The following PGAM5 variants were observed in gnomAD, a reference collection of about 807,000 sequenced individuals.
The protein encoded by PGAM5 is serine/threonine-protein phosphatase PGAM5, mitochondrial.
A neutral mutation model predicts 30.6 loss-of-function variants in PGAM5; 25 were observed. That is an observed-to-expected ratio of 0.82 (90% CI 0.60 to 1.14). The LOEUF is 1.14. PGAM5 is among the 50% of genes most tolerant of loss of function. The probability of loss-of-function intolerance (pLI) is 0.00; values close to 1 mark genes in which losing one functional copy is unlikely to be tolerated. For synonymous variants in PGAM5, 201 were observed against 179.1 expected, an observed-to-expected ratio of 1.12 and a Z score of -0.98; for missense variants, 384 against 408.5, an observed-to-expected ratio of 0.94 and a Z score of 0.52.
At chr12:132,720,042 G>T (rs1215401207) in intron 5 of PGAM5, among the ~76,000 whole-genome samples, 2 of 151,084 alleles carry the variant, frequency 1.3e-5, no homozygotes, top group African/African-American at 4.9e-5. Flanking sequence ...ATCTTGAGTT[G>T]GGGTTGGGCC....
rs2136090035 is a variant in PGAM5 at position 132,721,826 on chromosome 12, C to T, written c.*998C>T. The T allele has an allele frequency of 6.6e-6, 1 of 152,340 alleles. No homozygotes were observed. The highest frequency in any genetic ancestry group is 2.4e-5 in the African/African-American group (1 of 41,574). 9.4% of individuals were successfully genotyped at this position (152,340 alleles called of 1,614,324 possible). On this transcript the variant is annotated 3_prime_UTR_variant, in exon 6 of 6. Coordinates refer to ENST00000498926, the MANE Select transcript of PGAM5 (RefSeq NM_001170543.2). ...TAGAATTGTTCAGGCTGGTCTCGAA[C>T]TCCCAACCTCAGGTGATTCACCCAC...
rs2043640251 is a variant in PGAM5 at position 132,721,066 on chromosome 12, C to T, written c.*238C>T. On this transcript the variant is annotated 3_prime_UTR_variant, in exon 6 of 6. Transcript: ENST00000498926. ...GTTTAAGGTGAAAGCGTCTCACGCACAAGTCAGGCCTGTTGTGGGGACTTG... is the reference window on the plus strand; with the variant it reads ...GTTTAAGGTGAAAGCGTCTCACGCATAAGTCAGGCCTGTTGTGGGGACTTG... The T allele has an allele frequency of 1.9e-5, 8 of 421,922 alleles. No homozygotes were observed. The Admixed American group carries it at 2.8e-4, about 15-fold the overall frequency. 26.1% of individuals were successfully genotyped at this position (421,922 alleles called of 1,614,324 possible).
chr12:132,716,083 G>A (rs1412673970), intron 2 of PGAM5, among the ~76,000 whole-genome samples: 3 of 151,770 alleles, frequency 2.0e-5, no homozygotes, highest in South Asian at 2.1e-4. Context: ...GATGCCTGGC[G>A]TCTGCTTGTT....
At chr12:132,720,508 C>G (rs571069899) in intron 5 of PGAM5, among the ~76,000 whole-genome samples, 170 bp from the exon 6 acceptor site, 1 of 151,984 alleles carries the variant, frequency 6.6e-6, no homozygotes, top group Non-Finnish European at 1.5e-5. Context: ...GGGGTTTCAC[C>G]GTGTTAGCTG....
rs1228675764 is a variant in PGAM5, at chr12:132,718,059, G to C, written c.658G>C (p.Glu220Gln). 6 of 1,612,872 alleles carry C rather than the reference G, an allele frequency of 3.7e-6. No individual in the cohort carries two copies. In the Middle Eastern group the frequency reaches 5.0e-4, roughly 133 times the overall value. The change falls in exon 5 of 6, where the codon GAG becomes CAG. Residue 220 changes from glutamate to glutamine, a missense_variant. Glu to Gln is a conservative substitution (Grantham distance 29). Coordinates refer to ENST00000498926, the MANE Select transcript of PGAM5 (RefSeq NM_001170543.2). ...NYIHRADARQ[E>Q]EDSYEIFICH... The stretch of plus-strand genomic sequence containing the variant: ...CATCCACCGCGCAGATGCCAGGCAG[G>C]AGGAGGACAGTTACGAGATCTTCAT...
At chr12:132,712,254 G>C (rs2043530694) in intron 1 of PGAM5, among the ~76,000 whole-genome samples, 1 of 152,126 alleles carries the variant, frequency 6.6e-6, no homozygotes, top group African/African-American at 2.4e-5. Context: ...TTTACCTGCT[G>C]TTCTGTTCTA....
At chr12:132,712,336 T>G (rs2043531664) in intron 1 of PGAM5, among the ~76,000 whole-genome samples, 1 of 152,246 alleles carries the variant, frequency 6.6e-6, no homozygotes, top group Non-Finnish European at 1.5e-5. Context: ...TCAGACTTGT[T>G]TTGATGATCA....
Position 132,710,853 on chromosome 12 carries a change from CG to C in PGAM5, c.-21del. On this transcript the variant is annotated 5_prime_UTR_variant, in exon 1 of 6. Transcript: ENST00000498926. ...GCCGTCGGGGCCGTGGGCGCCTGCG[CG>C]GGCCGGCGCGGGAGCAAGCGGCATG... is the stretch of plus-strand genomic sequence containing the variant. 9.0e-7 allele frequency: 1 copy of C among 1,111,222 alleles called. No individual in the cohort carries two copies. The highest frequency in any genetic ancestry group is 1.1e-6 in the Non-Finnish European group (1 of 911,750). 68.8% of individuals were successfully genotyped at this position (1,111,222 alleles called of 1,614,324 possible). A position where few individuals can be genotyped will look rare whatever the true frequency, so the allele number is the denominator to read the frequency against.
intron 1 of PGAM5, among the ~76,000 whole-genome samples, chr12:132,713,564 C>G (rs1028836785): frequency 6.6e-6 from 1 of 152,316 alleles, no homozygotes; most frequent in African/African-American, 2.4e-5. Flanking sequence ...CCAAACGGAG[C>G]CCTTGAGTCA....
Position 132,718,097 on chromosome 12 carries a change from C to T in PGAM5, c.696C>T (p.Asn232=), listed in dbSNP as rs755170281. ...ACGAGATCTTCATCTGTCACGCCAA[C>T]GTCATCCGCTACATCGTGTGCAGGT... ...DSYEIFICHA[N]VIRYIVCRAL... The change falls in exon 5 of 6, where the codon AAC becomes AAT. Residue 232 remains asparagine (N), a synonymous_variant. Transcript: ENST00000498926. 6.8e-6 allele frequency: 11 copies of T among 1,612,638 alleles called. No homozygotes were observed. Among genetic ancestry groups the T allele is most frequent in the Middle Eastern group, 1.6e-4 (1 of 6,080 alleles).
At chr12:132,719,823 G>A (rs1281071239) in intron 5 of PGAM5, among the ~76,000 whole-genome samples, 3 of 152,238 alleles carry the variant, frequency 2.0e-5, no homozygotes, top group East Asian at 1.9e-4. Flanking sequence ...GCTCAGAGGC[G>A]ATGAAGGCAA....
rs2043591853 is a variant in PGAM5 at position 132,717,465 on chromosome 12, C to T, written c.397C>T (p.Leu133Phe). Residue 133 changes from leucine (L) to phenylalanine (F), a missense_variant, in exon 3 of 6, where the codon CTC (leucine) becomes TTC (phenylalanine). Transcript: ENST00000498926. ...LGREQAELTG[L>F]RLASLGLKFN... ...TCGGGAGCAGGCTGAACTCACTGGGCTCCGCCTGGCAAGCTTGGGGTTGAA... is the reference window on the plus strand; with the variant it reads ...TCGGGAGCAGGCTGAACTCACTGGGTTCCGCCTGGCAAGCTTGGGGTTGAA... 2 of 1,609,004 alleles carry T rather than the reference C, an allele frequency of 1.2e-6. No homozygotes were observed. Among genetic ancestry groups the T allele is most frequent in the Admixed American group, 1.7e-5 (1 of 59,958 alleles).
intron 2 of PGAM5, among the ~76,000 whole-genome samples, chr12:132,716,252 T>A (rs925965840): frequency 2.6e-5 from 4 of 151,968 alleles, no homozygotes; most frequent in African/African-American, 9.7e-5. Flanking sequence ...CTCCCAGCTA[T>A]TTTTTTGTAT....
intron 1 of PGAM5, among the ~76,000 whole-genome samples, chr12:132,712,141 AAATT>A (rs1281109166): frequency 1.3e-5 from 2 of 152,220 alleles, no homozygotes; most frequent in Non-Finnish European, 2.9e-5. Flanking sequence ...GTATATATCA[AAATT>A]AATGAGCCAA....
chr12:132,718,671 G>T (rs1056540694), intron 5 of PGAM5: 30 of 1,423,370 alleles, frequency 2.1e-5, no homozygotes, highest in Non-Finnish European at 3.0e-5. Flanking sequence ...CGTCCGCACT[G>T]CCCTGGTTGT....
Position 132,718,862 on chromosome 12 carries a change from G to A in PGAM5, c.719+742G>A, listed in dbSNP as rs530493165. ...GCTCCCACCCGTGTGCCAGCGTGAC[G>A]GCTCGGGGTGTCCGCTCCCCTCTGG... is the stretch of plus-strand genomic sequence containing the variant. On this transcript the variant is annotated intron_variant, in intron 5 of 5. Transcript: ENST00000498926. The A allele has an allele frequency of 2.6e-4, 421 of 1,612,420 alleles. 6 individuals carry two copies. The South Asian group carries it at 3.5e-3, about 14-fold the overall frequency.
intron 1 of PGAM5, among the ~76,000 whole-genome samples, chr12:132,712,720 T>C (rs1285583568): frequency 6.6e-6 from 1 of 151,958 alleles, no homozygotes; most frequent in Non-Finnish European, 1.5e-5. Flanking sequence ...CCTCCCAAAG[T>C]GCTGGGATTA....
In PGAM5 at chr12:132,717,815, G is replaced by C. The variant is rs761678340; in HGVS notation, c.585+17G>C. 8 of 1,578,430 alleles carry C rather than the reference G, an allele frequency of 5.1e-6. No individual in the cohort carries two copies. Among genetic ancestry groups the C allele is most frequent in the Middle Eastern group, 1.7e-4 (1 of 6,014 alleles). On this transcript the variant is annotated intron_variant, in intron 4 of 5. Coordinates refer to ENST00000498926, the MANE Select transcript of PGAM5 (RefSeq NM_001170543.2). ...GAAGCTGTGGTAAAAACCTCCCCGG[G>C]GGGCAGCTGTGTCACCCTCGCCTTC...
Position 132,710,893 on chromosome 12 carries a change from C to T in PGAM5, c.17C>T (p.Ala6Val), listed in dbSNP as rs567942721. 2.1e-4 allele frequency: 235 copies of T among 1,139,840 alleles called. 1 individual carries two copies. In the African/African-American group the frequency reaches 2.7e-3, roughly 13 times the overall value. 70.6% of individuals were successfully genotyped at this position (1,139,840 alleles called of 1,614,324 possible). ...GCAAGCGGCATGGCGTTCCGGCAGG[C>T]GCTGCAGCTGGCGGCCTGCGGGCTG... The part of the protein sequence containing the change: MAFRQ[A>V]LQLAACGLAG... The change falls in exon 1 of 6, where the codon GCG becomes GTG. Residue 6 changes from alanine to valine, a missense_variant. Coordinates refer to ENST00000498926, the MANE Select transcript of PGAM5 (RefSeq NM_001170543.2).
Sources: allele counts gnomAD v4.1 joint callset (sites outside exome capture counted in the v4.1 genomes callset), GRCh38; gene constraint gnomAD v4.1.1; transcripts MANE v1.5; gene names NCBI Gene and HGNC (gene_info 2026-07-23, HGNC 2026-07-21).